CADPS: variants seen among roughly 807,000 people sequenced by gnomAD.
The protein encoded by CADPS is calcium-dependent secretion activator 1.
In CADPS, 57 loss-of-function variants were observed where a neutral mutation model predicts 167.3. The observed-to-expected ratio is 0.34, with a 90% CI of 0.28 to 0.42. The LOEUF is 0.42. Ranked by LOEUF, CADPS falls within the 20% of genes least tolerant of loss-of-function variation. The pLI, the probability that CADPS is intolerant of heterozygous loss-of-function variation, is 1.00. For missense variants in CADPS, 1,414 were observed against 1,738.1 expected (o/e 0.81, Z 3.32); for synonymous variants, 676 against 635.3 (o/e 1.06, Z -0.96).
At chr3:62,626,456 G>A (rs909626162) in intron 6 of CADPS, 17 of 700,540 alleles carry the variant, frequency 2.4e-5, no homozygotes, top group Non-Finnish European at 3.9e-5. Context: ...CAGAGATTGG[G>A]TACTGTGACT....
At chr3:62,690,684 T>A (rs190301971) in intron 3 of CADPS, among the ~76,000 whole-genome samples, 1 of 151,902 alleles carries the variant, frequency 6.6e-6, no homozygotes, top group Admixed American at 6.6e-5. Flanking sequence ...AAACCTAAAT[T>A]AATGCTTAAG....
At chr3:62,445,627 T>G (rs1248314212) in intron 27 of CADPS, 138 bp downstream of exon 27, 4 of 529,730 alleles carry the variant, frequency 7.6e-6, no homozygotes, top group Non-Finnish European at 1.2e-5. Context: ...TTTCTGATGA[T>G]CCAAGTCAGC....
chr3:62,627,100 A>G (rs1428508222), intron 6 of CADPS, among the ~76,000 whole-genome samples: 1 of 151,326 alleles, frequency 6.6e-6, no homozygotes, highest in Middle Eastern at 3.4e-3. Flanking sequence ...ACTCCTCTGA[A>G]TCATTTCCAT....
At chr3:62,670,741 C>T (rs1411606060) in intron 3 of CADPS, among the ~76,000 whole-genome samples, 1 of 152,232 alleles carries the variant, frequency 6.6e-6, no homozygotes, top group South Asian at 2.1e-4. Context: ...AGTGCTCAAC[C>T]AGTCTTTCCC....
intron 8 of CADPS, among the ~76,000 whole-genome samples, chr3:62,581,395 G>A (rs1055349755): frequency 2.1e-5 from 3 of 144,642 alleles, no homozygotes; most frequent in Non-Finnish European, 3.0e-5. Context: ...AACTGAAATT[G>A]TCTGTTTGGA....
chr3:62,629,558 A>G (rs2064845108), intron 6 of CADPS, among the ~76,000 whole-genome samples: 1 of 152,178 alleles, frequency 6.6e-6, no homozygotes, highest in Non-Finnish European at 1.5e-5. Context: ...CAAAGCTATT[A>G]AGTACCCTGC....
chr3:62,624,513 T>C (rs186288088), intron 6 of CADPS, among the ~76,000 whole-genome samples: 1 of 152,132 alleles, frequency 6.6e-6, no homozygotes, highest in East Asian at 1.9e-4. Flanking sequence ...AAAAAACCTA[T>C]TCCAAAATGT....
intron 11 of CADPS, among the ~76,000 whole-genome samples, chr3:62,547,185 G>C (rs895640131): frequency 1.3e-5 from 2 of 152,126 alleles, no homozygotes; most frequent in Non-Finnish European, 1.5e-5. Flanking sequence ...CTGTTGCAGG[G>C]ATAATAAAGT....
chr3:62,415,026 CT>C (rs1206190568), intron 28 of CADPS, among the ~76,000 whole-genome samples: 1 of 152,182 alleles, frequency 6.6e-6, no homozygotes, highest in Non-Finnish European at 1.5e-5. Flanking sequence ...GATGCTTTGT[CT>C]CCTTGACAAC....
intron 26 of CADPS, among the ~76,000 whole-genome samples, chr3:62,448,546 C>T (rs1459202881): frequency 6.6e-6 from 1 of 151,974 alleles, no homozygotes; most frequent in East Asian, 1.9e-4. Context: ...GAAAAAATAA[C>T]CCAGGGTAAA....
chr3:62,868,180 T>G (rs1041036440), intron 1 of CADPS, among the ~76,000 whole-genome samples: 1 of 152,032 alleles, frequency 6.6e-6, no homozygotes, highest in African/African-American at 2.4e-5. Flanking sequence ...ACAAGAAAAG[T>G]ACTGCAGTTG....
intron 3 of CADPS, among the ~76,000 whole-genome samples, chr3:62,678,085 C>A (rs2076600302): frequency 1.3e-5 from 2 of 152,076 alleles, no homozygotes; most frequent in South Asian, 4.1e-4. Context: ...CATTCACTAT[C>A]TTCTAACACT....
At chr3:62,506,136 T>C (rs980060399) in intron 17 of CADPS, among the ~76,000 whole-genome samples, 1 of 152,196 alleles carries the variant, frequency 6.6e-6, no homozygotes, top group Non-Finnish European at 1.5e-5. Context: ...ACACCTGTAA[T>C]CCCGGCACTT....
In CADPS at chr3:62,438,073, G is replaced by C. The variant is rs1553740631; in HGVS notation, c.3777+31C>G. 4 of 1,453,714 alleles carry C rather than the reference G, an allele frequency of 2.8e-6. No homozygotes were observed. The African/African-American group carries it at 4.2e-5, about 15-fold the overall frequency. 90.1% of individuals were successfully genotyped at this position (1,453,714 alleles called of 1,614,324 possible). On this transcript the variant is annotated intron_variant, in intron 28 of 29. Transcript: ENST00000383710. The surrounding 1 kb of genome is among the most constrained non-coding windows in gnomAD (Gnocchi z 4.7). ...TCACATTTTGGAGGGTCTCCTCCTT[G>C]GTTTTCAAGGAGGAGAAGGCATTTA... is the stretch of plus-strand genomic sequence containing the variant.
chr3:62,821,544 T>C (rs933462847), intron 1 of CADPS, among the ~76,000 whole-genome samples: 18 of 152,140 alleles, frequency 1.2e-4, no homozygotes, highest in African/African-American at 4.1e-4. Context: ...CATCTTCTCA[T>C]GGCTGTCTTC....
intron 3 of CADPS, among the ~76,000 whole-genome samples, chr3:62,677,259 T>G (rs1409563832): frequency 6.6e-6 from 1 of 151,598 alleles, no homozygotes; most frequent in Non-Finnish European, 1.5e-5. Context: ...CTCTTCACCT[T>G]CCTCCTCACC....
At chr3:62,711,775 T>C (rs1003811992) in intron 3 of CADPS, among the ~76,000 whole-genome samples, 2 of 152,248 alleles carry the variant, frequency 1.3e-5, no homozygotes, top group African/African-American at 2.4e-5. Context: ...TGTTTGTTTA[T>C]TGATTCATTC....
rs186980444 is a variant in CADPS, at chr3:62,750,066, T to C, written c.888+3375A>G. 1.6e-3 allele frequency among the ~76,000 whole-genome samples: 237 copies of C among 152,226 alleles called. 1 individual carries two copies. The highest frequency in any genetic ancestry group is 5.4e-3 in the African/African-American group (225 of 41,558). ...ATAAAGACAGGTTTAAAAAGTGAAC[T>C]TGGGGCCAGGCACGGTGGCTCATGC... On this transcript the variant is annotated intron_variant, in intron 3 of 29. Transcript: ENST00000383710.
chr3:62,581,405 A>G (rs1278407830), intron 8 of CADPS, among the ~76,000 whole-genome samples: 1 of 151,590 alleles, frequency 6.6e-6, no homozygotes, highest in Non-Finnish European at 1.5e-5. Flanking sequence ...GTCTGTTTGG[A>G]TAATTAAAAT....
Sources: gnomAD v4.1 joint callset for allele counts (sites outside exome capture counted in the v4.1 genomes callset) on GRCh38, gnomAD v4.1.1 for gene constraint, Gnocchi (gnomAD v3.1) non-coding constraint, MANE v1.5 for transcripts, NCBI Gene and HGNC (gene_info 2026-07-23, HGNC 2026-07-21) for gene names.